Variants in PEX7 observed in about 807,000 individuals in gnomAD.
PEX7 encodes PTS2 receptor.
Under a neutral mutation model 47.5 loss-of-function variants are expected in PEX7, and 34 were observed. That is an observed-to-expected ratio of 0.72 (90% CI 0.54 to 0.95). The LOEUF is 0.95. PEX7 is among the 40% of genes least tolerant of loss of function. PEX7 has a pLI of 0.00. For synonymous variants in PEX7, 141 were observed against 148.8 expected (o/e 0.95, Z 0.38); for missense variants, 394 against 400.3 (o/e 0.98, Z 0.13).
intron 9 of PEX7, among the ~76,000 whole-genome samples, chr6:136,913,121 G>A (rs1775958694): frequency 6.6e-6 from 1 of 152,202 alleles, no homozygotes; most frequent in South Asian, 2.1e-4. Context: ...TCACAGTCTG[G>A]AACGTATCTT....
At chr6:136,840,077 T>C (rs1281033473) in intron 3 of PEX7, among the ~76,000 whole-genome samples, 2 of 152,134 alleles carry the variant, frequency 1.3e-5, no homozygotes, top group Non-Finnish European at 2.9e-5. Flanking sequence ...CCAGAGAGGA[T>C]AGAGCCTGTG....
chr6:136,826,918 T>C (rs1197241427), intron 3 of PEX7, among the ~76,000 whole-genome samples: 1 of 152,174 alleles, frequency 6.6e-6, no homozygotes, highest in Non-Finnish European at 1.5e-5. Flanking sequence ...GAGGCAGAAC[T>C]TACTGAAGGG....
chr6:136,822,854 G>C, intron 1 of PEX7, 59 bp downstream of exon 1: 1 of 978,804 alleles, frequency 1.0e-6, no homozygotes, highest in Non-Finnish European at 1.3e-6. Context: ...GGGCCAGCCG[G>C]GCTCCAGTTC....
chr6:136,870,302 T>G (rs952877473), intron 7 of PEX7, among the ~76,000 whole-genome samples: 12 of 152,226 alleles, frequency 7.9e-5, no homozygotes, highest in African/African-American at 2.7e-4. Flanking sequence ...CTATAGTAAT[T>G]CACTTTTAGT....
intron 2 of PEX7, 76 bp downstream of exon 2, chr6:136,825,347 A>G (rs1774168701): frequency 2.5e-6 from 3 of 1,216,770 alleles, no homozygotes; most frequent in Admixed American, 3.4e-5. Flanking sequence ...TGACTCTTTG[A>G]TTAATGTTTT....
At chr6:136,879,493 T>C (rs1775337755) in intron 8 of PEX7, among the ~76,000 whole-genome samples, 1 of 152,218 alleles carries the variant, frequency 6.6e-6, no homozygotes, top group South Asian at 2.1e-4. Flanking sequence ...CTGATGCCAG[T>C]CTAACTCTCT....
chr6:136,848,559 AG>A (rs200481708), intron 5 of PEX7, among the ~76,000 whole-genome samples: 3,155 of 152,346 alleles, frequency 0.021, 33 homozygotes, highest in Non-Finnish European at 0.033. Flanking sequence ...TTTAGCACGA[AG>A]GGCTGTTCAA....
intron 5 of PEX7, among the ~76,000 whole-genome samples, chr6:136,859,117 G>A (rs984893237): frequency 3.9e-4 from 59 of 152,172 alleles, no homozygotes; most frequent in African/African-American, 1.3e-3. Flanking sequence ...GTAGCATTTA[G>A]TTTGCTCCAA....
In PEX7 at chr6:136,840,042, G is replaced by C. The variant is rs140110801; in HGVS notation, c.340-5573G>C. On this transcript the variant is annotated intron_variant, in intron 3 of 9. Coordinates refer to ENST00000318471, the MANE Select transcript of PEX7 (RefSeq NM_000288.4). ...TGGAGAGGCCAGGGTAGTAGTGTTAGAGGCAAATGAAAGAGCATGCTTGAC... is the reference window on the plus strand; with the variant it reads ...TGGAGAGGCCAGGGTAGTAGTGTTACAGGCAAATGAAAGAGCATGCTTGAC... 2.0e-3 allele frequency among the ~76,000 whole-genome samples: 300 copies of C among 152,324 alleles called. 3 individuals are homozygous for C. Among genetic ancestry groups the C allele is most frequent in the African/African-American group, 6.5e-3 (269 of 41,560 alleles).
chr6:136,874,098 T>A (rs1331999697), intron 8 of PEX7, among the ~76,000 whole-genome samples: 1 of 152,246 alleles, frequency 6.6e-6, no homozygotes, highest in Non-Finnish European at 1.5e-5. Flanking sequence ...TCGTTTTGTT[T>A]AATGTGTCTG....
intron 8 of PEX7, among the ~76,000 whole-genome samples, chr6:136,875,557 G>A (rs9494591): frequency 0.41 from 61,988 of 151,986 alleles, 13,352 homozygotes; most frequent in South Asian, 0.51. Flanking sequence ...AAATTTGGGG[G>A]AAGTGGAACC....
intron 7 of PEX7, among the ~76,000 whole-genome samples, chr6:136,871,727 AC>A (rs2115227656): frequency 6.6e-6 from 1 of 151,992 alleles, no homozygotes; most frequent in African/African-American, 2.4e-5. Flanking sequence ...TGCCCATCTA[AC>A]TTTTGTATTT....
intron 9 of PEX7, among the ~76,000 whole-genome samples, chr6:136,908,248 T>G (rs571306044): frequency 7.2e-5 from 11 of 152,340 alleles, no homozygotes; most frequent in Non-Finnish European, 1.6e-4. Flanking sequence ...AGTGTGCTTA[T>G]TCTTATAACA....
rs567683190 is a variant in PEX7, at chr6:136,907,150, T to G, written c.904-6308T>G. Reference sequence around the variant, plus strand: ...TCTTCTCTTCCTTCTCTCCTCCTCTTCTTTCCTTCTCTGCTTCAGTAAATA... The same window carrying G: ...TCTTCTCTTCCTTCTCTCCTCCTCTGCTTTCCTTCTCTGCTTCAGTAAATA... On this transcript the variant is annotated intron_variant, in intron 9 of 9. Transcript: ENST00000318471. Among the ~76,000 whole-genome samples, 75 of 152,290 alleles carry G rather than the reference T, an allele frequency of 4.9e-4. 1 individual carries two copies. Among genetic ancestry groups the G allele is most frequent in the African/African-American group, 1.8e-3 (75 of 41,566 alleles).
chr6:136,877,015 T>C (rs1775286967), intron 8 of PEX7, among the ~76,000 whole-genome samples: 1 of 152,244 alleles, frequency 6.6e-6, no homozygotes, highest in Non-Finnish European at 1.5e-5. Flanking sequence ...TTCTTGACTT[T>C]TTAATGATCA....
intron 8 of PEX7, among the ~76,000 whole-genome samples, chr6:136,893,959 C>T (rs900233659): frequency 7.2e-5 from 11 of 152,178 alleles, no homozygotes; most frequent in African/African-American, 1.2e-4. Context: ...ATAGAGATTT[C>T]AAATTACATT....
At chr6:136,839,940 A>T (rs1774465015) in intron 3 of PEX7, among the ~76,000 whole-genome samples, 1 of 151,994 alleles carries the variant, frequency 6.6e-6, no homozygotes, top group African/African-American at 2.4e-5. Context: ...GTGTTATGGG[A>T]AGGGAGGATT....
At position 136,897,935 on chromosome 6, in the gene PEX7, G is replaced by GT. The variant is rs933495388; in HGVS notation, c.804-197dup. 5.2e-3 allele frequency among the ~76,000 whole-genome samples: 758 copies of GT among 146,914 alleles called. 6 individuals are homozygous for GT. The highest frequency in any genetic ancestry group is 0.017 in the African/African-American group (689 of 40,080). On this transcript the variant is annotated intron_variant, in intron 8 of 9. Transcript: ENST00000318471. ...CTTTTATAGGGTAGATTGATGTAGG[G>GT]TTTTTTTTTTATATATATAATAGGA... is the stretch of plus-strand genomic sequence containing the variant.
rs1197864743 is a variant in PEX7, at chr6:136,877,126, A to T, written c.803+4873A>T. Among the ~76,000 whole-genome samples the T allele has an allele frequency of 3.3e-5, 5 of 151,194 alleles. No homozygotes were observed. In the East Asian group the frequency reaches 9.7e-4, roughly 29 times the overall value. Reference sequence around the variant, plus strand: ...TTTTTTTCATATGTTTGTTGGCCACATTAATATCTTCTTTTGAGAAGTGAC... The same window carrying T: ...TTTTTTTCATATGTTTGTTGGCCACTTTAATATCTTCTTTTGAGAAGTGAC... On this transcript the variant is annotated intron_variant, in intron 8 of 9. Transcript: ENST00000318471.
Sources: allele counts gnomAD v4.1 joint callset (sites outside exome capture counted in the v4.1 genomes callset), GRCh38; gene constraint gnomAD v4.1.1; transcripts MANE v1.5; gene names NCBI Gene and HGNC (gene_info 2026-07-23, HGNC 2026-07-21).